PLD4: variants seen among roughly 807,000 people sequenced by gnomAD.
PLD4 encodes phospholipase D family member 4, also known as 5'-3' exonuclease PLD4.
In PLD4, 54 loss-of-function variants were observed where a neutral mutation model predicts 52.3. That is an observed-to-expected ratio of 1.03 (90% CI 0.83 to 1.30). The LOEUF (loss-of-function observed/expected upper bound fraction) is 1.30. Among genes scored for constraint, PLD4 ranks in the 50% most tolerant of loss-of-function variants. The pLI is 0.00. For synonymous variants in PLD4, 264 were observed against 286.5 expected, an observed-to-expected ratio of 0.92 and a Z score of 0.79; for missense variants, 731 against 671.1, an observed-to-expected ratio of 1.09 and a Z score of -0.99.
downstream of PLD4, chr14:104,937,274 T>C (rs145238396): frequency 0.022 from 3,421 of 152,384 alleles, 47 homozygotes; most frequent in Middle Eastern, 0.082. Flanking sequence ...ACTTTCTTTA[T>C]TGCCCATCCA....
chr14:104,937,048 CTG>C (rs1271246988), downstream of PLD4: 1 of 152,248 alleles, frequency 6.6e-6, no homozygotes, highest in African/African-American at 2.4e-5. Flanking sequence ...CCCTGCCACA[CTG>C]TGAACTCAGC....
intron 5 of PLD4, 90 bp downstream of exon 5, chr14:104,929,517 G>A: frequency 1.4e-6 from 2 of 1,459,094 alleles, no homozygotes; most frequent in Non-Finnish European, 1.8e-6. Flanking sequence ...AAGAAGTGAG[G>A]GTGGGAAAGG....
chr14:104,929,898 C>G, intron 5 of PLD4, 80 bp from the exon 6 acceptor site: 1 of 1,532,846 alleles, frequency 6.5e-7, no homozygotes, highest in Non-Finnish European at 8.9e-7. Context: ...ACCCCACTGT[C>G]AAGAGCTTGG....
rs777798947 is a variant in PLD4, at chr14:104,932,774, A to G, written c.1331A>G (p.Asn444Ser). ...TEKAAYIGTS[N>S]WSEDYFSSTA... is the part of the protein sequence containing the mutation. ...TCCATCCTCCCCGCAGGCACCTCCA[A>G]CTGGTCGGAGGATTACTTCAGCAGC... Residue 444 changes from asparagine (N) to serine (S), a missense_variant, in exon 11 of 11, where the codon AAC (asparagine) becomes AGC (serine). Physicochemically the swap from Asn to Ser is conservative, Grantham distance 46. Coordinates refer to ENST00000392593, the MANE Select transcript of PLD4 (RefSeq NM_138790.5). The surrounding 1 kb of genome is among the most constrained non-coding windows in gnomAD (Gnocchi z 6.5). 2 of 1,576,472 alleles carry G rather than the reference A, an allele frequency of 1.3e-6. No homozygotes were observed. The highest frequency in any genetic ancestry group is 1.3e-5 in the African/African-American group (1 of 74,084).
intron 1 of PLD4, among the ~76,000 whole-genome samples, chr14:104,925,473 G>A (rs962086058): frequency 6.6e-6 from 1 of 151,972 alleles, no homozygotes; most frequent in Non-Finnish European, 1.5e-5. Context: ...GATGGGGCCT[G>A]CAAGAGGCAG....
Position 104,931,882 on chromosome 14 carries a change from C to G in PLD4, c.1053C>G (p.Pro351=), listed in dbSNP as rs865802394. The G allele has an allele frequency of 8.4e-6, 13 of 1,540,332 alleles. No individual in the cohort carries two copies. Among genetic ancestry groups the G allele is most frequent in the Middle Eastern group, 3.5e-4 (2 of 5,758 alleles). Reference sequence around the variant, plus strand: ...TCCCCACCACGCGCTTCAGCCACCCCCCGAGGTAGGTCTGAGTGGGAGGTG... The same window carrying G: ...TCCCCACCACGCGCTTCAGCCACCCGCCGAGGTAGGTCTGAGTGGGAGGTG... ...EYFPTTRFSH[P]PRYWPVLDNA... Residue 351 remains proline (P), a synonymous_variant, in exon 8 of 11, where the codon CCC becomes CCG. Coordinates refer to ENST00000392593, the MANE Select transcript of PLD4 (RefSeq NM_138790.5).
chr14:104,929,269 GC>G (rs1173842851), intron 4 of PLD4, 37 bp from the exon 5 acceptor site: 20 of 1,579,472 alleles, frequency 1.3e-5, no homozygotes, highest in Middle Eastern at 1.7e-4. Context: ...GGAGAGGGCA[GC>G]CTGAGGTCAG....
chr14:104,927,271 A>G (rs760554201), intron 2 of PLD4, 41 bp downstream of exon 2: 43 of 1,472,206 alleles, frequency 2.9e-5, no homozygotes, highest in Non-Finnish European at 3.7e-5. Context: ...GCTGGGATCA[A>G]TGGCCTTTCA....
chr14:104,929,083 G>A (rs771258282), intron 4 of PLD4, 151 bp downstream of exon 4: 369 of 1,220,758 alleles, frequency 3.0e-4, no homozygotes, highest in Non-Finnish European at 4.0e-4. Flanking sequence ...CTCCTTTGGG[G>A]GCTCTAACAG....
intron 2 of PLD4, 100 bp downstream of exon 2, chr14:104,927,330 T>C: frequency 9.2e-7 from 1 of 1,081,342 alleles, no homozygotes; most frequent in Non-Finnish European, 1.3e-6. Flanking sequence ...TGAGGGGGCC[T>C]CCAAGCAGAG....
chr14:104,930,905 G>T lies in PLD4; in HGVS notation c.881G>T (p.Gly294Val), dbSNP rs1897622900. The part of the protein sequence containing the change: ...SHFNRFQPFH[G>V]LFDGVPTTAY... ...TTCAACCGTTTCCAGCCCTTCCACG[G>T]CCTCTTTGATGGGGTGCCCACCACT... is the stretch of plus-strand genomic sequence containing the variant. The change falls in exon 7 of 11, where the codon GGC becomes GTC. Residue 294 changes from glycine (G) to valine (V), a missense_variant. By Grantham distance (109) the Gly-to-Val change is moderately radical. Coordinates refer to ENST00000392593, the MANE Select transcript of PLD4 (RefSeq NM_138790.5). The T allele has an allele frequency of 6.2e-7, 1 of 1,613,336 alleles. No homozygotes were observed. Among genetic ancestry groups the T allele is most frequent in the South Asian group, 1.1e-5 (1 of 91,086 alleles).
chr14:104,928,718 C>A (rs745839907), intron 3 of PLD4, 31 bp from the exon 4 acceptor site: 1 of 1,535,056 alleles, frequency 6.5e-7, no homozygotes, highest in Non-Finnish European at 8.8e-7. Flanking sequence ...CTCCCGCACC[C>A]ATACTGAGCC....
chr14:104,935,593 A>C (rs934025428), downstream of PLD4: 42 of 152,314 alleles, frequency 2.8e-4, no homozygotes, highest in East Asian at 6.9e-3. Context: ...CCTTGTTGTA[A>C]CCAATAGAAT....
chr14:104,929,160 T>C, intron 4 of PLD4, 147 bp from the exon 5 acceptor site: 4 of 1,353,584 alleles, frequency 3.0e-6, no homozygotes, highest in South Asian at 1.5e-5. Context: ...GCAGTTTGGC[T>C]CTCACCAAGG....
At chr14:104,935,461 G>T (rs1391508873), downstream of PLD4, 1 of 152,220 alleles carries the variant, frequency 6.6e-6, no homozygotes, top group Non-Finnish European at 1.5e-5. Flanking sequence ...ACCCCAGGAG[G>T]GTGCCACAAT....
rs772939497 is a variant in PLD4, at chr14:104,929,294, C to T, written c.469-13C>T. On this transcript the variant is annotated splice_polypyrimidine_tract_variant and intron_variant, in intron 4 of 10. Coordinates refer to ENST00000392593, the MANE Select transcript of PLD4 (RefSeq NM_138790.5). ...GCCTGAGGTCAGCTCTCATGGCTGG[C>T]CTGGCCTTGCAGGGAGAGGCTCTTC... is the stretch of plus-strand genomic sequence containing the variant. 3 of 1,582,352 alleles carry T rather than the reference C, an allele frequency of 1.9e-6. No homozygotes were observed. The highest frequency in any genetic ancestry group is 1.7e-6 in the Non-Finnish European group (2 of 1,164,840).
chr14:104,930,188 G>A, intron 6 of PLD4, 83 bp downstream of exon 6: 1 of 1,562,804 alleles, frequency 6.4e-7, no homozygotes, highest in Non-Finnish European at 8.7e-7. Flanking sequence ...TGACATCTCA[G>A]TGCATCTGGA....
At position 104,931,844 on chromosome 14, in the gene PLD4, G is replaced by C. The variant is rs375442580; in HGVS notation, c.1015G>C (p.Val339Leu). 5 of 1,561,190 alleles carry C rather than the reference G, an allele frequency of 3.2e-6. No homozygotes were observed. The East Asian group carries it at 9.2e-5, about 29-fold the overall frequency. The change falls in exon 8 of 11, where the codon GTG (valine) becomes CTG (leucine). Residue 339 changes from valine to leucine, a missense_variant. Physicochemically the swap from Val to Leu is conservative, Grantham distance 32 (BLOSUM62 1). Coordinates refer to ENST00000392593, the MANE Select transcript of PLD4 (RefSeq NM_138790.5). Reference protein sequence around the residue: ...GSAQEFIYASVMEYFPTTRFS... With the variant: ...GSAQEFIYASLMEYFPTTRFS... ...CGCCCAGGAGTTCATCTATGCCTCC[G>C]TGATGGAGTATTTCCCCACCACGCG...
chr14:104,934,348 T>C (rs1296771375), downstream of PLD4: 2 of 152,152 alleles, frequency 1.3e-5, no homozygotes, highest in Non-Finnish European at 2.9e-5. Flanking sequence ...CCACTGGAAC[T>C]CACCCTATCC....
Sources: allele counts gnomAD v4.1 joint callset (sites outside exome capture counted in the v4.1 genomes callset), GRCh38; gene constraint gnomAD v4.1.1; non-coding constraint Gnocchi (gnomAD v3.1); transcripts MANE v1.5; gene names NCBI Gene and HGNC (gene_info 2026-07-23, HGNC 2026-07-21).